Variants in GRIK1 observed in about 807,000 individuals in gnomAD.
GRIK1 encodes glutamate receptor ionotropic, kainate 1.
In GRIK1, 69 loss-of-function variants were observed where a neutral mutation model predicts 105.7. The observed-to-expected ratio is 0.65, with a 90% CI of 0.54 to 0.80. GRIK1 has a LOEUF of 0.80. Ranked by LOEUF, GRIK1 falls within the 30% of genes least tolerant of loss-of-function variation. The probability of loss-of-function intolerance (pLI) is 0.00; values close to 1 mark genes in which losing one functional copy is unlikely to be tolerated. For synonymous variants in GRIK1, 438 were observed against 431.3 expected (o/e 1.02, Z -0.19); for missense variants, 1,109 against 1,167.3 (o/e 0.95, Z 0.73).
chr21:29,588,846 A>C lies in GRIK1; in HGVS notation c.1562T>G (p.Ile521Arg), dbSNP rs200345374. ...GEWNGMVKEL[I>R]DHRADLAVAP... is the part of the protein sequence containing the mutation. ...AGAAATATTGTTACTTACGTGATCTATGAGTTCTTTAACCATCCCGTTCCA... is the reference window on the plus strand; with the variant it reads ...AGAAATATTGTTACTTACGTGATCTCTGAGTTCTTTAACCATCCCGTTCCA... The change falls in exon 11 of 18, where the codon ATA becomes AGA. Residue 521 changes from isoleucine to arginine, a missense_variant. Transcript: ENST00000327783. 6.5e-7 allele frequency: 1 copy of C among 1,549,090 alleles called. No homozygotes were observed. Among genetic ancestry groups the C allele is most frequent in the African/African-American group, 1.4e-5 (1 of 73,746 alleles).
intron 1 of GRIK1, among the ~76,000 whole-genome samples, chr21:29,926,201 A>G (rs1371541390): frequency 6.6e-6 from 1 of 151,858 alleles, no homozygotes; most frequent in African/African-American, 2.4e-5. Context: ...AAATTTCCCT[A>G]GATTTGAGTA....
At chr21:29,907,975 A>G (rs903231358) in intron 1 of GRIK1, among the ~76,000 whole-genome samples, 2 of 152,136 alleles carry the variant, frequency 1.3e-5, no homozygotes, top group African/African-American at 4.8e-5. Context: ...TTTTAAAAAT[A>G]TCTCTCAGGG....
intron 1 of GRIK1, among the ~76,000 whole-genome samples, chr21:29,791,082 T>C (rs1307278946): frequency 6.6e-6 from 1 of 152,144 alleles, no homozygotes; most frequent in Non-Finnish European, 1.5e-5. Context: ...GAGTTGGGCA[T>C]CATCCAGGAA....
At chr21:29,573,026 G>T (rs2090791614) in intron 14 of GRIK1, among the ~76,000 whole-genome samples, 1 of 152,140 alleles carries the variant, frequency 6.6e-6, no homozygotes, top group South Asian at 2.1e-4. Context: ...ACCAGCCTCG[G>T]CCTCCCAAAG....
At chr21:29,636,894 T>TC (rs1231466969) in intron 7 of GRIK1, among the ~76,000 whole-genome samples, 1 of 152,192 alleles carries the variant, frequency 6.6e-6, no homozygotes, top group Non-Finnish European at 1.5e-5. Context: ...CCAATTGTCT[T>TC]TCCACATTTA....
At chr21:29,813,201 G>A (rs774562480) in intron 1 of GRIK1, among the ~76,000 whole-genome samples, 1 of 152,146 alleles carries the variant, frequency 6.6e-6, no homozygotes, top group Admixed American at 6.6e-5. Flanking sequence ...TGGAATTGCT[G>A]ATCTCACAAA....
chr21:29,631,414 A>G (rs2062268911), intron 7 of GRIK1, among the ~76,000 whole-genome samples: 1 of 152,238 alleles, frequency 6.6e-6, no homozygotes, highest in African/African-American at 2.4e-5. Flanking sequence ...TTATGTGAGA[A>G]TACAATGGAA....
chr21:29,579,758 C>T (rs1200759868), intron 13 of GRIK1, among the ~76,000 whole-genome samples: 2 of 152,072 alleles, frequency 1.3e-5, no homozygotes, highest in Admixed American at 6.6e-5. Flanking sequence ...TTGGGGCTGA[C>T]TGTCATGTAC....
At chr21:29,923,167 T>C (rs879913286) in intron 1 of GRIK1, among the ~76,000 whole-genome samples, 1 of 152,196 alleles carries the variant, frequency 6.6e-6, no homozygotes, top group Non-Finnish European at 1.5e-5. Flanking sequence ...ATTTGGATGG[T>C]CTCATATTGA....
chr21:29,711,484 T>C (rs895453015), intron 1 of GRIK1, among the ~76,000 whole-genome samples: 2 of 151,998 alleles, frequency 1.3e-5, no homozygotes, highest in Admixed American at 6.6e-5. Context: ...AAGATAAATA[T>C]CTAGTATGAG....
At chr21:29,917,963 A>G (rs757636435) in intron 1 of GRIK1, among the ~76,000 whole-genome samples, 47 of 148,114 alleles carry the variant, frequency 3.2e-4, no homozygotes, top group Admixed American at 1.1e-3. Context: ...TGCCCCCCTG[A>G]CTAAGAGATT....
chr21:29,785,094 A>C, intron 1 of GRIK1, among the ~76,000 whole-genome samples: 1 of 152,228 alleles, frequency 6.6e-6, no homozygotes, highest in East Asian at 1.9e-4. Flanking sequence ...TCCAATACCT[A>C]GTTTTTCTGG....
chr21:29,878,169 G>A (rs2069260223), intron 1 of GRIK1, among the ~76,000 whole-genome samples: 4 of 152,126 alleles, frequency 2.6e-5, no homozygotes. Flanking sequence ...TAGGAAAAGA[G>A]GAAAGTGGTC....
At chr21:29,799,226 A>G (rs1337630935) in intron 1 of GRIK1, among the ~76,000 whole-genome samples, 3 of 152,200 alleles carry the variant, frequency 2.0e-5, no homozygotes, top group South Asian at 2.1e-4. Flanking sequence ...GTCTTGCTTA[A>G]TTTTATAATT....
chr21:29,784,751 T>C (rs1475299121), intron 1 of GRIK1, among the ~76,000 whole-genome samples: 1 of 152,198 alleles, frequency 6.6e-6, no homozygotes, highest in Non-Finnish European at 1.5e-5. Flanking sequence ...CCTTAAATGT[T>C]TGAAAATTCG....
chr21:29,770,712 A>C (rs1176828109), intron 1 of GRIK1, among the ~76,000 whole-genome samples: 1 of 152,232 alleles, frequency 6.6e-6, no homozygotes, highest in East Asian at 1.9e-4. Flanking sequence ...ATCTAATAAA[A>C]ATATCTTATT....
chr21:29,888,544 T>A (rs1392902241), intron 1 of GRIK1, among the ~76,000 whole-genome samples: 2 of 151,862 alleles, frequency 1.3e-5, no homozygotes, highest in Non-Finnish European at 2.9e-5. Context: ...GGGAACCACT[T>A]ACAGGTGTGA....
In GRIK1 at chr21:29,595,412, A is replaced by G. The variant is rs143702628; in HGVS notation, c.1251+1114T>C. Among the ~76,000 whole-genome samples the G allele has an allele frequency of 4.2e-3, 632 of 150,298 alleles. 1 individual carries two copies. The highest frequency in any genetic ancestry group is 0.015 in the African/African-American group (602 of 40,678). On this transcript the variant is annotated intron_variant, in intron 9 of 17. Transcript: ENST00000327783. ...ATTTACCAGTAAAATTTTAGTGAGG[A>G]AACCAGATCGCCTTCTACATGCACT...
Position 29,572,323 on chromosome 21 carries a change from G to T in GRIK1, c.2130+4641C>A, listed in dbSNP as rs780811873. On this transcript the variant is annotated intron_variant, in intron 14 of 17. Transcript: ENST00000327783. ...AAATACATTTCTTCTCGGTAAACTG[G>T]GTTGCTGGGCCACAAGCTAGCTTGT... Among the ~76,000 whole-genome samples the T allele has an allele frequency of 3.3e-5, 5 of 152,044 alleles. No individual in the cohort carries two copies. In the East Asian group the frequency reaches 9.6e-4, roughly 29 times the overall value.
Sources: gnomAD v4.1 joint callset for allele counts (sites outside exome capture counted in the v4.1 genomes callset) on GRCh38, gnomAD v4.1.1 for gene constraint, MANE v1.5 for transcripts, NCBI Gene and HGNC (gene_info 2026-07-23, HGNC 2026-07-21) for gene names.